Variants in TRAF3 observed in about 807,000 individuals in gnomAD.
The protein encoded by TRAF3 is TNF receptor-associated factor 3.
A neutral mutation model predicts 62.3 loss-of-function variants in TRAF3; 13 were observed. That is an observed-to-expected ratio of 0.21 (90% CI 0.14 to 0.33). TRAF3 has a LOEUF of 0.33. Among genes scored for constraint, TRAF3 ranks in the 10% least tolerant of loss-of-function variants. The probability of loss-of-function intolerance (pLI) is 1.00; values close to 1 mark genes in which losing one functional copy is unlikely to be tolerated. For synonymous variants in TRAF3, 269 were observed against 283.4 expected (o/e 0.95, Z 0.51); for missense variants, 440 against 741.8 (o/e 0.59, Z 4.73).
At chr14:102,870,647 T>A (rs1888287835) in intron 3 of TRAF3, among the ~76,000 whole-genome samples, 1 of 152,172 alleles carries the variant, frequency 6.6e-6, no homozygotes, top group Non-Finnish European at 1.5e-5. Flanking sequence ...CCTCTGCGTG[T>A]CTCTGACCTG....
rs1032407387 is a variant in TRAF3, at chr14:102,851,540, T to G, written c.-17-18645T>G. ...TGGGCGGATCACGAGGTCAGGAGAT[T>G]GAGACCATCCTGGCCAAGATGGTGA... On this transcript the variant is annotated intron_variant, in intron 2 of 11. Coordinates refer to ENST00000392745, the MANE Select transcript of TRAF3 (RefSeq NM_145725.3). 3.1e-4 allele frequency among the ~76,000 whole-genome samples: 47 copies of G among 152,238 alleles called. 2 individuals are homozygous for G. Among genetic ancestry groups the G allele is most frequent in the Middle Eastern group, 6.8e-3 (2 of 294 alleles).
At chr14:102,896,514 G>A (rs769389178) in intron 9 of TRAF3, among the ~76,000 whole-genome samples, 10 of 152,088 alleles carry the variant, frequency 6.6e-5, no homozygotes, top group Non-Finnish European at 1.5e-4. Flanking sequence ...AATTATTAGG[G>A]CAAGTACAGC....
chr14:102,878,115 T>C (rs1252926523), intron 6 of TRAF3, among the ~76,000 whole-genome samples: 1 of 152,224 alleles, frequency 6.6e-6, no homozygotes, highest in Non-Finnish European at 1.5e-5. Context: ...AATGAATAGT[T>C]ATTCAAAAAA....
Position 102,909,775 on chromosome 14 carries a change from G to C in TRAF3, c.*3991G>C, listed in dbSNP as rs999099371. The C allele has an allele frequency of 6.6e-6, 1 of 152,262 alleles. No individual in the cohort carries two copies. Among genetic ancestry groups the C allele is most frequent in the Non-Finnish European group, 1.5e-5 (1 of 68,066 alleles). 9.4% of individuals were successfully genotyped at this position (152,262 alleles called of 1,614,324 possible). On this transcript the variant is annotated 3_prime_UTR_variant, in exon 12 of 12. Transcript: ENST00000392745. Reference sequence around the variant, plus strand: ...ACGTCAGCCTGCTCCAGGGTCCTCAGTCACCCTGGGCCAGGGGCCACGTGT... The same window carrying C: ...ACGTCAGCCTGCTCCAGGGTCCTCACTCACCCTGGGCCAGGGGCCACGTGT...
chr14:102,867,634 G>A (rs1595376388), intron 2 of TRAF3, among the ~76,000 whole-genome samples: 1 of 152,278 alleles, frequency 6.6e-6, no homozygotes, highest in Admixed American at 6.5e-5. Context: ...GGCCAGTGTG[G>A]AGAGCAGAGT....
rs767055689 is a variant in TRAF3 at position 102,903,421 on chromosome 14, G to A, written c.1127G>A (p.Arg376Gln). 2.2e-5 allele frequency: 35 copies of A among 1,613,780 alleles called. 1 individual carries two copies. In the South Asian group the frequency reaches 2.2e-4, roughly 10 times the overall value. The change falls in exon 11 of 12, where the codon CGG becomes CAG. Residue 376 changes from arginine to glutamine, a missense_variant. Around this residue, in one of 6 missense-constraint regions of TRAF3, gnomAD observed 41 missense variants for 40.0 expected, o/e 1.03. Transcript: ENST00000392745. This position sits in a 1 kb window ranked among gnomAD's most constrained non-coding sequence, Gnocchi z 6.4. The part of the protein sequence containing the change: ...SVDKSAGQVA[R>Q]NTGLLESQLS... ...GACAAGAGCGCGGGGCAAGTGGCTCGGAACACAGGTGAGGCAGGGGCCGGG... is the reference window on the plus strand; with the variant it reads ...GACAAGAGCGCGGGGCAAGTGGCTCAGAACACAGGTGAGGCAGGGGCCGGG...
intron 2 of TRAF3, among the ~76,000 whole-genome samples, chr14:102,854,772 A>G (rs1887261920): frequency 6.8e-6 from 1 of 146,822 alleles, no homozygotes; most frequent in Non-Finnish European, 1.5e-5. Flanking sequence ...AAGTGCTGGG[A>G]TTATAGGTGT....
At chr14:102,904,010 C>T (rs894201889) in intron 11 of TRAF3, 7 of 357,870 alleles carry the variant, frequency 2.0e-5, no homozygotes, top group East Asian at 7.4e-5. Context: ...GGAGCAGCTT[C>T]GCCTCCAAGA....
chr14:102,779,678 C>T (rs752005629), intron 1 of TRAF3, among the ~76,000 whole-genome samples: 2 of 152,140 alleles, frequency 1.3e-5, no homozygotes, highest in Non-Finnish European at 2.9e-5. Context: ...TTGATCACTC[C>T]CTTAAAATCC....
At chr14:102,849,825 G>C (rs1173723606) in intron 2 of TRAF3, among the ~76,000 whole-genome samples, 1 of 152,212 alleles carries the variant, frequency 6.6e-6, no homozygotes, top group East Asian at 1.9e-4. Context: ...CTTATCAGCA[G>C]GGCACACCTG....
intron 1 of TRAF3, among the ~76,000 whole-genome samples, chr14:102,784,168 C>T (rs1038414594): frequency 6.6e-6 from 1 of 151,000 alleles, no homozygotes; most frequent in South Asian, 2.1e-4. Flanking sequence ...AGGTTTTTCC[C>T]TGCATTTTTC....
chr14:102,819,055 T>TAA lies in TRAF3; in HGVS notation c.-156-11267_-156-11266dup, dbSNP rs201813175. On this transcript the variant is annotated intron_variant, in intron 1 of 11. Coordinates refer to ENST00000392745, the MANE Select transcript of TRAF3 (RefSeq NM_145725.3). ...GGGTGACGGAGCAAGACTCTGTCTC[T>TAA]AAAAAAAAAAAAAGTGAAGTTAAAA... 1.3e-3 allele frequency among the ~76,000 whole-genome samples: 180 copies of TAA among 142,058 alleles called. 1 individual carries two copies. Among genetic ancestry groups the TAA allele is most frequent in the Non-Finnish European group, 1.7e-3 (113 of 64,768 alleles). The allele number at this position is 142,058 out of a possible 152,430, so 93.2% of individuals were successfully genotyped here. A position where few individuals can be genotyped will look rare whatever the true frequency, so the allele number is the denominator to read the frequency against.
chr14:102,812,799 A>G (rs1420719355), intron 1 of TRAF3, among the ~76,000 whole-genome samples: 6 of 150,242 alleles, frequency 4.0e-5, no homozygotes, highest in South Asian at 2.1e-4. Flanking sequence ...GGCGCCTGTA[A>G]TCCCAGCTAC....
chr14:102,800,958 C>T (rs1014479344), intron 1 of TRAF3, among the ~76,000 whole-genome samples: 7 of 151,770 alleles, frequency 4.6e-5, no homozygotes, highest in Non-Finnish European at 5.9e-5. Flanking sequence ...GCGGGCGGAT[C>T]ACGAGGTCAG....
chr14:102,816,347 CCCT>C lies in TRAF3; in HGVS notation c.-156-13982_-156-13980del, dbSNP rs531932526. On this transcript the variant is annotated intron_variant, in intron 1 of 11. Coordinates refer to ENST00000392745, the MANE Select transcript of TRAF3 (RefSeq NM_145725.3). ...CGAACTCCTGAGCTCAAGCAGTCCA[CCCT>C]CCTCAGCCTCCCAAAGTGCTACGAT... is the stretch of plus-strand genomic sequence containing the variant. Among the ~76,000 whole-genome samples the C allele has an allele frequency of 1.2e-3, 178 of 152,226 alleles. 2 individuals are homozygous for C. The highest frequency in any genetic ancestry group is 6.8e-3 in the Middle Eastern group (2 of 294).
At chr14:102,877,105 A>C (rs1210308231) in intron 6 of TRAF3, among the ~76,000 whole-genome samples, 1 of 147,154 alleles carries the variant, frequency 6.8e-6, no homozygotes, top group African/African-American at 2.6e-5. Flanking sequence ...CGATTCATAG[A>C]TAATCTGTTC....
rs938806085 is a variant in TRAF3 at position 102,908,169 on chromosome 14, G to A, written c.*2385G>A. The A allele has an allele frequency of 2.0e-5, 3 of 152,344 alleles. No homozygotes were observed. The highest frequency in any genetic ancestry group is 4.4e-5 in the Non-Finnish European group (3 of 68,102). The allele number at this position is 152,344 out of a possible 1,614,324, so 9.4% of individuals were successfully genotyped here. On this transcript the variant is annotated 3_prime_UTR_variant, in exon 12 of 12. Transcript: ENST00000392745. Reference sequence around the variant, plus strand: ...CAGAAGCAGCAGTGCGTGTCACTGGGACGTCTCCAGTAGCCCTTCCCAGGC... The same window carrying A: ...CAGAAGCAGCAGTGCGTGTCACTGGAACGTCTCCAGTAGCCCTTCCCAGGC...
At chr14:102,854,473 T>C (rs1042987438) in intron 2 of TRAF3, among the ~76,000 whole-genome samples, 5 of 152,212 alleles carry the variant, frequency 3.3e-5, no homozygotes, top group Non-Finnish European at 7.3e-5. Flanking sequence ...ATTTTAGCCA[T>C]CCAAGTGACT....
chr14:102,824,815 C>T (rs1900202431), intron 1 of TRAF3, among the ~76,000 whole-genome samples: 1 of 152,224 alleles, frequency 6.6e-6, no homozygotes, highest in Non-Finnish European at 1.5e-5. Flanking sequence ...GGTCTCTCAT[C>T]ATATATCTAA....
Sources: allele counts gnomAD v4.1 joint callset (sites outside exome capture counted in the v4.1 genomes callset), GRCh38; gene constraint gnomAD v4.1.1; regional missense constraint gnomAD v4.1.1; non-coding constraint Gnocchi (gnomAD v3.1); transcripts MANE v1.5; gene names NCBI Gene and HGNC (gene_info 2026-07-23, HGNC 2026-07-21).